ZNF385B: variants seen among roughly 807,000 people sequenced by gnomAD.
The protein encoded by ZNF385B is zinc finger protein 533.
ZNF385B carries 23 observed loss-of-function variants against 39.2 expected under a neutral mutation model. That is an observed-to-expected ratio of 0.59 (90% CI 0.42 to 0.83). The LOEUF (loss-of-function observed/expected upper bound fraction) is 0.83. Ranked by LOEUF, ZNF385B falls within the 40% of genes least tolerant of loss-of-function variation. The probability of loss-of-function intolerance (pLI) is 0.00; values close to 1 mark genes in which losing one functional copy is unlikely to be tolerated. For synonymous variants in ZNF385B, 205 were observed against 222.6 expected, an observed-to-expected ratio of 0.92 and a Z score of 0.70; for missense variants, 552 against 598.9, an observed-to-expected ratio of 0.92 and a Z score of 0.82.
intron 3 of ZNF385B, among the ~76,000 whole-genome samples, chr2:179,600,552 G>A (rs1010145825): frequency 3.9e-5 from 6 of 152,040 alleles, no homozygotes; most frequent in African/African-American, 1.4e-4. Flanking sequence ...TGTAAGCCAA[G>A]GTATCCATTT....
At chr2:179,501,759 G>A (rs1013680131) in intron 5 of ZNF385B, among the ~76,000 whole-genome samples, 5 of 152,056 alleles carry the variant, frequency 3.3e-5, no homozygotes, top group African/African-American at 1.2e-4. Flanking sequence ...GTAACTCAAA[G>A]GATAAATGCT....
chr2:179,558,583 A>C (rs1191165545), intron 3 of ZNF385B, among the ~76,000 whole-genome samples: 1 of 152,204 alleles, frequency 6.6e-6, no homozygotes, highest in East Asian at 1.9e-4. Flanking sequence ...GTAGGTGCCC[A>C]TGTTAAAAAT....
At position 179,689,813 on chromosome 2, in the gene ZNF385B, GTGTGTGTGTGTGTT is replaced by G. The variant is rs1478355120; in HGVS notation, c.298+79676_298+79689del. ...TGTGTGTGTGTGTGTGTGTGTGTGT[GTGTGTGTGTGTGTT>G]TATTTGTTTTTATCCCAGACTTTGG... On this transcript the variant is annotated intron_variant, in intron 3 of 9. Coordinates refer to ENST00000410066, the MANE Select transcript of ZNF385B (RefSeq NM_152520.6). 7.3e-4 allele frequency among the ~76,000 whole-genome samples: 96 copies of G among 132,316 alleles called. 1 individual carries two copies. The highest frequency in any genetic ancestry group is 1.2e-3 in the East Asian group (6 of 4,926). 86.8% of individuals were successfully genotyped at this position (132,316 alleles called of 152,430 possible). A position where few individuals can be genotyped will look rare whatever the true frequency, so the allele number is the denominator to read the frequency against.
chr2:179,708,350 A>C (rs1699769850), intron 3 of ZNF385B, among the ~76,000 whole-genome samples: 1 of 152,224 alleles, frequency 6.6e-6, no homozygotes, highest in Non-Finnish European at 1.5e-5. Context: ...CTCCCCAGCC[A>C]TGTGGAACTA....
At chr2:179,803,146 G>A (rs1027301938) in intron 1 of ZNF385B, among the ~76,000 whole-genome samples, 3 of 152,116 alleles carry the variant, frequency 2.0e-5, no homozygotes, top group Non-Finnish European at 2.9e-5. Context: ...TACATGATTT[G>A]GATGAAATTA....
intron 3 of ZNF385B, among the ~76,000 whole-genome samples, chr2:179,763,349 T>C (rs1559172671): frequency 6.6e-6 from 1 of 152,230 alleles, no homozygotes; most frequent in Admixed American, 6.5e-5. Flanking sequence ...TGTGTCATAA[T>C]ATCATGTATC....
intron 5 of ZNF385B, among the ~76,000 whole-genome samples, chr2:179,484,517 G>T (rs2054356888): frequency 6.6e-6 from 1 of 152,002 alleles, no homozygotes; most frequent in South Asian, 2.1e-4. Context: ...TTATATACTT[G>T]TATGTGTTTG....
chr2:179,648,905 T>C (rs1186961043), intron 3 of ZNF385B, among the ~76,000 whole-genome samples: 2 of 152,166 alleles, frequency 1.3e-5, no homozygotes, highest in African/African-American at 4.8e-5. Context: ...AAGAATGAGA[T>C]ATTCATAAGG....
intron 3 of ZNF385B, among the ~76,000 whole-genome samples, chr2:179,570,146 A>G (rs1685044315): frequency 6.6e-6 from 1 of 152,118 alleles, no homozygotes; most frequent in South Asian, 2.1e-4. Context: ...TTTGAATCAT[A>G]TCCAGCCAAG....
At chr2:179,503,627 G>A (rs1300246914) in intron 5 of ZNF385B, among the ~76,000 whole-genome samples, 1 of 152,122 alleles carries the variant, frequency 6.6e-6, no homozygotes, top group East Asian at 1.9e-4. Context: ...ATAACTATCT[G>A]TGTAAATGTT....
At chr2:179,852,363 A>G (rs79900701) in intron 1 of ZNF385B, among the ~76,000 whole-genome samples, 2,605 of 152,318 alleles carry the variant, frequency 0.017, 68 homozygotes, top group African/African-American at 0.059. Flanking sequence ...GGTCACTGCC[A>G]TCAATGTGGT....
intron 5 of ZNF385B, among the ~76,000 whole-genome samples, chr2:179,518,222 C>A (rs13030364): frequency 6.6e-6 from 1 of 152,008 alleles, no homozygotes; most frequent in South Asian, 2.1e-4. Flanking sequence ...TGTCTATAAT[C>A]CTCTATTGGT....
At chr2:179,504,526 T>A (rs2057072703) in intron 5 of ZNF385B, among the ~76,000 whole-genome samples, 1 of 152,028 alleles carries the variant, frequency 6.6e-6, no homozygotes, top group Non-Finnish European at 1.5e-5. Context: ...CTCCACATCC[T>A]CTCCAGCACC....
chr2:179,640,788 A>G (rs1451575051), intron 3 of ZNF385B, among the ~76,000 whole-genome samples: 2 of 152,134 alleles, frequency 1.3e-5, no homozygotes, highest in Admixed American at 1.3e-4. Flanking sequence ...AAACAGAACA[A>G]CAACAAAAAA....
chr2:179,457,282 G>A (rs900730395), intron 6 of ZNF385B, among the ~76,000 whole-genome samples: 6 of 151,968 alleles, frequency 3.9e-5, no homozygotes, highest in African/African-American at 9.7e-5. Flanking sequence ...TTTTGCTACC[G>A]ATGAAAATTT....
At chr2:179,799,983 C>T (rs532209272) in intron 1 of ZNF385B, among the ~76,000 whole-genome samples, 1 of 152,164 alleles carries the variant, frequency 6.6e-6, no homozygotes, top group East Asian at 1.9e-4. Context: ...GAACATGCTT[C>T]AGAATTTTGA....
intron 3 of ZNF385B, among the ~76,000 whole-genome samples, chr2:179,578,855 T>C (rs1298012444): frequency 6.6e-6 from 1 of 152,112 alleles, no homozygotes; most frequent in South Asian, 2.1e-4. Context: ...TTCTTCTACC[T>C]GAGAAAAGCT....
intron 6 of ZNF385B, among the ~76,000 whole-genome samples, chr2:179,462,675 T>C (rs893468181): frequency 2.6e-4 from 39 of 152,208 alleles, no homozygotes; most frequent in Admixed American, 6.6e-4. Flanking sequence ...GATGTAAAGA[T>C]GCTAGAGTAT....
At chr2:179,601,476 T>C (rs1307227928) in intron 3 of ZNF385B, among the ~76,000 whole-genome samples, 1 of 152,160 alleles carries the variant, frequency 6.6e-6, no homozygotes, top group Admixed American at 6.6e-5. Flanking sequence ...CACTATAAAG[T>C]TTCTAAATCT....
Sources: allele counts gnomAD v4.1 joint callset (sites outside exome capture counted in the v4.1 genomes callset), GRCh38; gene constraint gnomAD v4.1.1; transcripts MANE v1.5; gene names NCBI Gene and HGNC (gene_info 2026-07-23, HGNC 2026-07-21).